The following CNBD1 variants were observed in gnomAD, a reference collection of about 807,000 sequenced individuals.
The protein encoded by CNBD1 is cyclic nucleotide binding domain containing 1.
Under a neutral mutation model 54.4 loss-of-function variants are expected in CNBD1, and 71 were observed. The ratio of observed to expected loss-of-function variants is 1.30; its 90% CI spans 1.08 to 1.59. The LOEUF is 1.59. Among genes scored for constraint, CNBD1 ranks in the 40% most tolerant of loss-of-function variants. The pLI, the probability that CNBD1 is intolerant of heterozygous loss-of-function variation, is 0.00. For missense variants in CNBD1, 659 were observed against 518.0 expected (o/e 1.27, Z -2.64); for synonymous variants, 182 against 170.7 (o/e 1.07, Z -0.51).
chr8:86,978,696 A>T (rs1808400522), intron 4 of CNBD1, among the ~76,000 whole-genome samples: 1 of 151,562 alleles, frequency 6.6e-6, no homozygotes, highest in Admixed American at 6.6e-5. Context: ...GCATGCTCCA[A>T]CACGCCTGGC....
chr8:86,889,342 A>G (rs1808730889), intron 2 of CNBD1, among the ~76,000 whole-genome samples: 1 of 152,212 alleles, frequency 6.6e-6, no homozygotes, highest in African/African-American at 2.4e-5. Context: ...ACAATTTACC[A>G]GAAATACATT....
intron 4 of CNBD1, among the ~76,000 whole-genome samples, chr8:86,989,244 C>T (rs991490384): frequency 6.6e-6 from 1 of 151,924 alleles, no homozygotes; most frequent in African/African-American, 2.4e-5. Flanking sequence ...CAGTGAGCTG[C>T]GATCATGCCA....
At chr8:87,315,358 G>A (rs949909374) in intron 8 of CNBD1, among the ~76,000 whole-genome samples, 38 of 152,106 alleles carry the variant, frequency 2.5e-4, no homozygotes, top group African/African-American at 8.9e-4. Context: ...AATACTTGAA[G>A]CTAGGTAATT....
chr8:87,271,309 CT>C (rs1808358359), intron 6 of CNBD1, among the ~76,000 whole-genome samples: 1 of 151,506 alleles, frequency 6.6e-6, no homozygotes, highest in Non-Finnish European at 1.5e-5. Flanking sequence ...TTCTTGCTTG[CT>C]TTTCTAGTTC....
chr8:87,423,323 G>A (rs1223958349), intron 2 of CNBD1, among the ~76,000 whole-genome samples: 10 of 148,372 alleles, frequency 6.7e-5, no homozygotes, highest in Non-Finnish European at 1.5e-4. Flanking sequence ...TTGAATAGGA[G>A]TGGTGAGAGA....
intron 4 of CNBD1, among the ~76,000 whole-genome samples, chr8:87,026,462 A>G (rs1586206660): frequency 6.6e-6 from 1 of 151,826 alleles, no homozygotes; most frequent in East Asian, 1.9e-4. Flanking sequence ...TGATATTTCT[A>G]TTCTTAAAAA....
In CNBD1 at chr8:87,422,783, T is replaced by G. The variant is rs547454985; in HGVS notation, c.214-5763T>G. 1.6e-4 allele frequency among the ~76,000 whole-genome samples: 25 copies of G among 152,310 alleles called. No homozygotes were observed. In the South Asian group the frequency reaches 5.2e-3, roughly 32 times the overall value. On this transcript the variant is annotated intron_variant, in intron 2 of 7. Coordinates refer to the CNBD1 transcript ENST00000521593. ...CTCTTTTTTGGTTCCATATGAACTTTAAAGTAGTTTTTCCCAATTCTGTGA... is the reference window on the plus strand; with the variant it reads ...CTCTTTTTTGGTTCCATATGAACTTGAAAGTAGTTTTTCCCAATTCTGTGA...
At chr8:87,192,194 AT>A (rs1189812684) in intron 4 of CNBD1, among the ~76,000 whole-genome samples, 1 of 152,036 alleles carries the variant, frequency 6.6e-6, no homozygotes, top group Non-Finnish European at 1.5e-5. Flanking sequence ...TAAAATTATA[AT>A]TTTTTTCTAG....
intron 3 of CNBD1, among the ~76,000 whole-genome samples, chr8:86,908,800 T>TTTTTTGAGACGGAGTCC (rs1554629463): frequency 2.9e-5 from 4 of 135,774 alleles, no homozygotes; most frequent in Non-Finnish European, 4.7e-5. Flanking sequence ...TTTTTTTTTT[T>TTTTTTGAGACGGAGTCC]TGTGCTGAGG....
chr8:87,153,279 A>G (rs1452522253), intron 4 of CNBD1, among the ~76,000 whole-genome samples: 19 of 152,198 alleles, frequency 1.2e-4, no homozygotes, highest in Admixed American at 1.2e-3. Flanking sequence ...CTGAAGAAAT[A>G]TATCAGACTG....
At chr8:87,044,046 T>C (rs1810129555) in intron 4 of CNBD1, among the ~76,000 whole-genome samples, 1 of 152,220 alleles carries the variant, frequency 6.6e-6, no homozygotes, top group African/African-American at 2.4e-5. Context: ...TTGTGTCCTT[T>C]ATATGTTAAT....
intron 4 of CNBD1, among the ~76,000 whole-genome samples, chr8:86,946,706 G>A (rs1375107901): frequency 9.1e-6 from 1 of 109,594 alleles, no homozygotes; most frequent in Non-Finnish European, 2.1e-5. Context: ...TTGTATTACA[G>A]ATTTAATAAC....
chr8:87,335,150 T>C (rs1777596130), intron 8 of CNBD1, among the ~76,000 whole-genome samples: 1 of 152,182 alleles, frequency 6.6e-6, no homozygotes, highest in Non-Finnish European at 1.5e-5. Flanking sequence ...AGAGTAAGTG[T>C]CATGTGGCAC....
At chr8:87,425,107 T>C (rs1808021815) in intron 2 of CNBD1, among the ~76,000 whole-genome samples, 1 of 152,172 alleles carries the variant, frequency 6.6e-6, no homozygotes, top group African/African-American at 2.4e-5. Context: ...TTCCAGTTGA[T>C]CGCATCGGCT....
At chr8:87,001,603 G>C (rs1242242831) in intron 4 of CNBD1, among the ~76,000 whole-genome samples, 3 of 152,142 alleles carry the variant, frequency 2.0e-5, no homozygotes, top group African/African-American at 7.2e-5. Flanking sequence ...AGCTAAAGTT[G>C]AATATGTGTT....
At chr8:87,292,057 C>T (rs1808797530) in intron 8 of CNBD1, among the ~76,000 whole-genome samples, 1 of 152,098 alleles carries the variant, frequency 6.6e-6, no homozygotes, top group African/African-American at 2.4e-5. Flanking sequence ...GTTGTATTAA[C>T]ATTTGGCATT....
chr8:87,199,082 C>T (rs921020239), intron 4 of CNBD1, among the ~76,000 whole-genome samples: 9 of 152,186 alleles, frequency 5.9e-5, no homozygotes, highest in South Asian at 2.1e-4. Context: ...AGCTCCCTTA[C>T]CACTGAGAGC....
chr8:87,113,191 G>T (rs1352815351), intron 4 of CNBD1, among the ~76,000 whole-genome samples: 1 of 152,234 alleles, frequency 6.6e-6, no homozygotes, highest in Non-Finnish European at 1.5e-5. Flanking sequence ...CAATTCTTCA[G>T]AGAAGAGTTC....
chr8:87,384,449 A>T (rs1811145350), downstream of CNBD1, among the ~76,000 whole-genome samples: 1 of 152,142 alleles, frequency 6.6e-6, no homozygotes, highest in Non-Finnish European at 1.5e-5. Flanking sequence ...TCTGAAGAAA[A>T]AGCAGATCAG....
Sources: allele counts gnomAD v4.1 joint callset (sites outside exome capture counted in the v4.1 genomes callset), GRCh38; gene constraint gnomAD v4.1.1; transcripts MANE v1.5; gene names NCBI Gene and HGNC (gene_info 2026-07-23, HGNC 2026-07-21).